The following ZNF318 variants were observed in gnomAD, a reference collection of about 807,000 sequenced individuals.
ZNF318 encodes the protein zinc finger protein 318.
ZNF318 carries 51 observed loss-of-function variants against 124.2 expected under a neutral mutation model. The ratio of observed to expected loss-of-function variants is 0.41; its 90% CI spans 0.33 to 0.52. The LOEUF (loss-of-function observed/expected upper bound fraction) is 0.52. ZNF318 is among the 20% of genes least tolerant of loss of function. ZNF318 has a pLI of 0.23. For synonymous variants in ZNF318, 1,090 were observed against 1,040.7 expected (o/e 1.05, Z -0.91); for missense variants, 2,815 against 2,811.2 (o/e 1.00, Z -0.03).
chr6:43,369,208 G>A lies in ZNF318; in HGVS notation c.158C>T (p.Pro53Leu). The change falls in exon 1 of 10, where the codon CCG becomes CTG. Residue 53 changes from proline to leucine, a missense_variant. Around this residue, in one of 4 missense-constraint regions of ZNF318, gnomAD observed 1,377 missense variants for 1,353.5 expected, o/e 1.02. Transcript: ENST00000361428. ...PPPSGSSSRT[P>L]ARRPRSPSGH... ...TGAGGGCGAGCGGGGTCGGCGAGCCGGGGTCCGCGACGAGGAGCCGGAGGG... is the reference window on the plus strand; with the variant it reads ...TGAGGGCGAGCGGGGTCGGCGAGCCAGGGTCCGCGACGAGGAGCCGGAGGG... 1 of 1,211,308 alleles carries A rather than the reference G, an allele frequency of 8.3e-7. No individual in the cohort carries two copies. Among genetic ancestry groups the A allele is most frequent in the Non-Finnish European group, 1.0e-6 (1 of 976,294 alleles). 75.0% of individuals were successfully genotyped at this position (1,211,308 alleles called of 1,614,324 possible).
At chr6:43,352,498 G>T in intron 4 of ZNF318, 22 bp from the exon 5 acceptor site, 1 of 1,598,570 alleles carries the variant, frequency 6.3e-7, no homozygotes, top group Non-Finnish European at 8.6e-7. Context: ...AAAGTGGTAA[G>T]AGAGTCCATC....
Position 43,365,377 on chromosome 6 carries a change from C to A in ZNF318, c.463G>T (p.Asp155Tyr). 2 of 1,614,168 alleles carry A rather than the reference C, an allele frequency of 1.2e-6. No homozygotes were observed. The highest frequency in any genetic ancestry group is 2.2e-5 in the South Asian group (2 of 91,062). ...EKSLRITVGN[D>Y]HFCVSTPERR... ...TCTGGTGTGCTAACACAGAAGTGGT[C>A]ATTGCCAACAGTGATCCTTAAGCTC... The change falls in exon 2 of 10, where the codon GAC (aspartate) becomes TAC (tyrosine). Residue 155 changes from aspartate (D) to tyrosine (Y), a missense_variant. By Grantham distance (160) the Asp-to-Tyr change is radical. Transcript: ENST00000361428.
chr6:43,354,614 T>C (rs1412869447), intron 4 of ZNF318, 50 bp downstream of exon 4: 1 of 1,517,820 alleles, frequency 6.6e-7, no homozygotes, highest in Non-Finnish European at 8.8e-7. Flanking sequence ...TATACAAATT[T>C]ATGGCAAAAC....
In ZNF318 at chr6:43,337,923, G is replaced by A; in HGVS notation, c.6075C>T (p.Cys2025=). The A allele has an allele frequency of 1.2e-6, 2 of 1,614,190 alleles. No individual in the cohort carries two copies. Residue 2025 remains cysteine (C), a synonymous_variant, in exon 10 of 10, where the codon TGC becomes TGT. Transcript: ENST00000361428. ...TATGTGCTGGGCTTACCCGAGTAGTGCAGAAATCAACAGGCATATCCCCCA... is the reference window on the plus strand; with the variant it reads ...TATGTGCTGGGCTTACCCGAGTAGTACAGAAATCAACAGGCATATCCCCCA... ...GNLGDMPVDF[C]TTRVSPAHRS...
intron 1 of ZNF318, 61 bp from the exon 2 acceptor site, chr6:43,365,501 A>C: frequency 2.0e-6 from 3 of 1,533,232 alleles, no homozygotes; most frequent in South Asian, 1.2e-5. Context: ...ACATCCAAAA[A>C]CTCTCCTCCC....
Position 43,342,684 on chromosome 6 carries a change from GCTT to G in ZNF318, c.3265_3267del (p.Lys1089del), listed in dbSNP as rs1351876904. The G allele has an allele frequency of 1.2e-6, 2 of 1,614,168 alleles. No individual in the cohort carries two copies. The highest frequency in any genetic ancestry group is 8.5e-7 in the Non-Finnish European group (1 of 1,180,000). ...GAGAGTAGGATACCAACCTGTGTGT[GCTT>G]CTTATTGTGCATATGAGTGAAGAAA... On this transcript the variant is annotated inframe_deletion, in exon 7 of 10. Coordinates refer to ENST00000361428, the MANE Select transcript of ZNF318 (RefSeq NM_014345.3).
intron 2 of ZNF318, among the ~76,000 whole-genome samples, chr6:43,360,649 G>A (rs1035484347): frequency 6.6e-6 from 1 of 152,152 alleles, no homozygotes; most frequent in Non-Finnish European, 1.5e-5. Context: ...GTTCAGAGCA[G>A]CATTAATCAT....
chr6:43,360,925 T>G (rs1424340281), intron 2 of ZNF318, among the ~76,000 whole-genome samples: 1 of 152,170 alleles, frequency 6.6e-6, no homozygotes, highest in Non-Finnish European at 1.5e-5. Flanking sequence ...TGCCTATGGC[T>G]GGGGGTAGGG....
At position 43,336,967 on chromosome 6, in the gene ZNF318, C is replaced by A; in HGVS notation, c.*191G>T. ...TATATATAAGTTGTTATCGATTTGT[C>A]TGGTGTTTTAAGGGGAAAGGGAAAA... On this transcript the variant is annotated 3_prime_UTR_variant, in exon 10 of 10. Coordinates refer to ENST00000361428, the MANE Select transcript of ZNF318 (RefSeq NM_014345.3). 1 of 406,814 alleles carries A rather than the reference C, an allele frequency of 2.5e-6. No homozygotes were observed. Among genetic ancestry groups the A allele is most frequent in the African/African-American group, 2.1e-5 (1 of 48,506 alleles). The allele number at this position is 406,814 out of a possible 1,614,324, so 25.2% of individuals were successfully genotyped here.
chr6:43,348,845 T>C (rs1779487424), intron 5 of ZNF318, among the ~76,000 whole-genome samples: 1 of 152,044 alleles, frequency 6.6e-6, no homozygotes, highest in African/African-American at 2.4e-5. Flanking sequence ...CCAGCCTCAC[T>C]AACATGGTGA....
At chr6:43,357,888 G>T (rs1291986396) in intron 2 of ZNF318, 123 bp from the exon 3 acceptor site, 2 of 854,306 alleles carry the variant, frequency 2.3e-6, no homozygotes. Flanking sequence ...CTATAATCAT[G>T]AAGTCCAAGA....
At chr6:43,343,959 A>G (rs1437986656) in intron 6 of ZNF318, among the ~76,000 whole-genome samples, 1 of 152,192 alleles carries the variant, frequency 6.6e-6, no homozygotes, top group African/African-American at 2.4e-5. Flanking sequence ...ACCAAGCTGG[A>G]ACAAGGCACT....
At chr6:43,356,273 G>A in intron 3 of ZNF318, 128 bp from the exon 4 acceptor site, 1 of 983,000 alleles carries the variant, frequency 1.0e-6, no homozygotes, top group Non-Finnish European at 1.5e-6. Flanking sequence ...TAAAAGGGAG[G>A]AAAAGTATCC....
intron 2 of ZNF318, among the ~76,000 whole-genome samples, chr6:43,358,055 A>G (rs6933055): frequency 0.03 from 4,592 of 152,284 alleles, 224 homozygotes; most frequent in African/African-American, 0.11. Context: ...CACACAAGCT[A>G]AATTCTAGCT....
At chr6:43,358,901 C>T (rs748119973) in intron 2 of ZNF318, among the ~76,000 whole-genome samples, 16 of 152,144 alleles carry the variant, frequency 1.1e-4, no homozygotes, top group Non-Finnish European at 2.4e-4. Context: ...GTAAAGAGTG[C>T]TCAGGAGCTA....
At chr6:43,349,386 CT>C (rs369338217) in intron 5 of ZNF318, among the ~76,000 whole-genome samples, 413 of 124,176 alleles carry the variant, frequency 3.3e-3, no homozygotes, top group Middle Eastern at 0.021. Flanking sequence ...TCTGGTTTAT[CT>C]TTTTTTTTTT....
At chr6:43,351,684 C>T (rs1779525976) in intron 5 of ZNF318, among the ~76,000 whole-genome samples, 1 of 151,502 alleles carries the variant, frequency 6.6e-6, no homozygotes, top group African/African-American at 2.4e-5. Flanking sequence ...TCACTTGAAT[C>T]CAGAAGGCAG....
Position 43,354,758 on chromosome 6 carries a change from G to C in ZNF318, c.2576C>G (p.Ala859Gly), listed in dbSNP as rs777503911. Residue 859 changes from alanine (A) to glycine (G), a missense_variant, in exon 4 of 10, where the codon GCC (alanine) becomes GGC (glycine). Around this residue, in one of 4 missense-constraint regions of ZNF318, gnomAD observed 1,377 missense variants for 1,353.5 expected, o/e 1.02. Transcript: ENST00000361428. ...KESLRGSIPA[A>G]QVPVQVSIPS... Reference sequence around the variant, plus strand: ...AATGGACACCTGGACAGGCACTTGGGCCGCAGGAATTGAGCCTCGCAGAGA... The same window carrying C: ...AATGGACACCTGGACAGGCACTTGGCCCGCAGGAATTGAGCCTCGCAGAGA... The C allele has an allele frequency of 6.2e-7, 1 of 1,614,036 alleles. No homozygotes were observed. The highest frequency in any genetic ancestry group is 1.7e-5 in the Admixed American group (1 of 60,006).
intron 8 of ZNF318, 61 bp downstream of exon 8, chr6:43,342,051 G>C: frequency 6.9e-7 from 1 of 1,441,872 alleles, no homozygotes; most frequent in Non-Finnish European, 9.8e-7. Context: ...TGTTAGTTCA[G>C]GGACACCTCT....
Sources: gnomAD v4.1 joint callset for allele counts (sites outside exome capture counted in the v4.1 genomes callset) on GRCh38, gnomAD v4.1.1 for gene constraint, gnomAD v4.1.1 regional missense constraint, MANE v1.5 for transcripts, NCBI Gene and HGNC (gene_info 2026-07-23, HGNC 2026-07-21) for gene names.